The following PDGFRB variants were observed in gnomAD, a reference collection of about 807,000 sequenced individuals.
PDGFRB encodes platelet-derived growth factor receptor beta.
In PDGFRB, 42 loss-of-function variants were observed where a neutral mutation model predicts 120.2. The ratio of observed to expected loss-of-function variants is 0.35; its 90% CI spans 0.27 to 0.45. The LOEUF is 0.45. Among genes scored for constraint, PDGFRB ranks in the 20% least tolerant of loss-of-function variants. The pLI is 1.00. For synonymous variants in PDGFRB, 586 were observed against 606.8 expected, an observed-to-expected ratio of 0.97 and a Z score of 0.50; for missense variants, 1,149 against 1,476.3, an observed-to-expected ratio of 0.78 and a Z score of 3.63.
intron 10 of PDGFRB, among the ~76,000 whole-genome samples, chr5:150,127,087 A>C (rs1436072982): frequency 6.6e-6 from 1 of 152,186 alleles, no homozygotes; most frequent in Non-Finnish European, 1.5e-5. Flanking sequence ...GTGAGTGGCC[A>C]CTGAGGGAGC....
intron 10 of PDGFRB, among the ~76,000 whole-genome samples, chr5:150,128,288 A>G (rs1760355404): frequency 1.3e-5 from 2 of 152,242 alleles, no homozygotes; most frequent in African/African-American, 4.8e-5. Flanking sequence ...CCACTTGCTC[A>G]GAGAATGTGT....
intron 1 of PDGFRB, among the ~76,000 whole-genome samples, chr5:150,140,352 ACAGT>A (rs1387685771): frequency 6.6e-6 from 1 of 152,116 alleles, no homozygotes; most frequent in Non-Finnish European, 1.5e-5. Context: ...GCTGGATGTC[ACAGT>A]CAGAGAGCAG....
intron 1 of PDGFRB, among the ~76,000 whole-genome samples, chr5:150,147,462 G>C (rs1055668275): frequency 3.9e-5 from 6 of 152,220 alleles, no homozygotes; most frequent in Non-Finnish European, 7.3e-5. Flanking sequence ...GCCGCAAATA[G>C]AATGGGTTCT....
intron 1 of PDGFRB, chr5:150,153,869 C>T (rs1761149539): frequency 6.6e-6 from 1 of 152,192 alleles, no homozygotes; most frequent in Non-Finnish European, 1.5e-5. Flanking sequence ...GTTCTAGTCT[C>T]ACACTTGGGA....
chr5:150,136,762 G>T (rs1380975618), intron 2 of PDGFRB, among the ~76,000 whole-genome samples: 3 of 152,166 alleles, frequency 2.0e-5, no homozygotes, highest in Admixed American at 6.5e-5. Context: ...GGGGTCTGGA[G>T]GGCCAATCAA....
Position 150,114,383 on chromosome 5 carries a change from C to G in PDGFRB, c.*1380G>C, listed in dbSNP as rs1759856413. ...GACATAACTGTCCTCACTGTCCATT[C>G]TGTCTTCGACGCAGACCTCGGCACA... On this transcript the variant is annotated 3_prime_UTR_variant, in exon 23 of 23. Coordinates refer to ENST00000261799, the MANE Select transcript of PDGFRB (RefSeq NM_002609.4). 1 of 233,226 alleles carries G rather than the reference C, an allele frequency of 4.3e-6. No homozygotes were observed. Among genetic ancestry groups the G allele is most frequent in the Non-Finnish European group, 8.5e-6 (1 of 118,054 alleles). The allele number at this position is 233,226 out of a possible 1,614,324, so 14.4% of individuals were successfully genotyped here.
At chr5:150,116,856 T>C (rs1759950562) in intron 22 of PDGFRB, among the ~76,000 whole-genome samples, 2 of 152,116 alleles carry the variant, frequency 1.3e-5, no homozygotes, top group Admixed American at 6.5e-5. Context: ...CTGGCACATA[T>C]GGAGAAACTG....
chr5:150,116,088 G>T, intron 22 of PDGFRB, 142 bp from the exon 23 acceptor site: 1 of 657,482 alleles, frequency 1.5e-6, no homozygotes. Context: ...TGAAAACTAT[G>T]CAAGGCCTGC....
chr5:150,141,767 T>TGTA (rs1760790944), intron 1 of PDGFRB, among the ~76,000 whole-genome samples: 1 of 152,080 alleles, frequency 6.6e-6, no homozygotes, highest in South Asian at 2.1e-4. Context: ...TGTGTGTGTG[T>TGTA]GTACACGCGC....
Position 150,133,261 on chromosome 5 carries a change from G to T in PDGFRB, c.935-319C>A, listed in dbSNP as rs149541884. On this transcript the variant is annotated intron_variant, in intron 6 of 22. Coordinates refer to ENST00000261799, the MANE Select transcript of PDGFRB (RefSeq NM_002609.4). ...GATGGGGCTTCCCGGACCTGGGATGGCAGTTGGGCTTGGAAGTCAGGTTGG... is the reference window on the plus strand; with the variant it reads ...GATGGGGCTTCCCGGACCTGGGATGTCAGTTGGGCTTGGAAGTCAGGTTGG... 5.3e-5 allele frequency among the ~76,000 whole-genome samples: 8 copies of T among 152,352 alleles called. No homozygotes were observed. The East Asian group carries it at 1.3e-3, about 26-fold the overall frequency.
At chr5:150,134,074 GA>G (rs1441336206) in intron 4 of PDGFRB, 66 bp from the exon 5 acceptor site, 1 of 1,472,622 alleles carries the variant, frequency 6.8e-7, no homozygotes, top group Non-Finnish European at 9.5e-7. Context: ...TCAGCTTGGG[GA>G]TAGGGTAGGG....
intron 22 of PDGFRB, 84 bp downstream of exon 22, chr5:150,117,534 G>T (rs967859141): frequency 3.1e-6 from 2 of 646,382 alleles, no homozygotes; most frequent in Non-Finnish European, 5.2e-6. Flanking sequence ...GGCAGCGCGC[G>T]CGCGCGCGCG....
At chr5:150,153,162 G>A (rs1014316387) in intron 1 of PDGFRB, among the ~76,000 whole-genome samples, 5 of 152,148 alleles carry the variant, frequency 3.3e-5, no homozygotes, top group African/African-American at 7.2e-5. Flanking sequence ...CTGGATCCAC[G>A]GTGCTTTCCA....
rs1056813521 is a variant in PDGFRB, at chr5:150,114,136, G to A, written c.*1627C>T. The A allele has an allele frequency of 7.7e-5, 18 of 233,306 alleles. No homozygotes were observed. Among genetic ancestry groups the A allele is most frequent in the East Asian group, 5.4e-4 (9 of 16,566 alleles). 14.5% of individuals were successfully genotyped at this position (233,306 alleles called of 1,614,324 possible). A position where few individuals can be genotyped will look rare whatever the true frequency, so the allele number is the denominator to read the frequency against. On this transcript the variant is annotated 3_prime_UTR_variant, in exon 23 of 23. Transcript: ENST00000261799. ...ACCCCCTTCCCAACCCTCCCCGTGC[G>A]GGGGCGTCTTGGCTACAACCCTGAC...
intron 8 of PDGFRB, 31 bp downstream of exon 8, chr5:150,131,948 G>T: frequency 8.9e-7 from 1 of 1,125,700 alleles, no homozygotes; most frequent in Non-Finnish European, 1.4e-6. Flanking sequence ...AGGGGAAGGA[G>T]CAGGGACATG....
chr5:150,140,644 T>C (rs1562019630), intron 1 of PDGFRB, among the ~76,000 whole-genome samples: 1 of 148,612 alleles, frequency 6.7e-6, no homozygotes, highest in Non-Finnish European at 1.5e-5. Flanking sequence ...GGGAGAGGAG[T>C]GGGGGGCCCC....
At chr5:150,119,634 A>G in intron 19 of PDGFRB, 68 bp from the exon 20 acceptor site, 1 of 948,202 alleles carries the variant, frequency 1.1e-6, no homozygotes, top group Non-Finnish European at 1.7e-6. Context: ...ACCCTCTTCT[A>G]CAGGACAAGG....
rs530476571 is a variant in PDGFRB at position 150,122,664 on chromosome 5, C to T, written c.2183+378G>A. Among the ~76,000 whole-genome samples the T allele has an allele frequency of 7.9e-5, 12 of 152,344 alleles. No homozygotes were observed. In the East Asian group the frequency reaches 1.9e-3, roughly 24 times the overall value. ...GACTGGAGTTGAGCTCCCTGAGAGG[C>T]AGTGTGGAGGCTGATGTGTAGAGGC... On this transcript the variant is annotated intron_variant, in intron 15 of 22. Transcript: ENST00000261799.
At chr5:150,151,469 T>C (rs1287247496) in intron 1 of PDGFRB, among the ~76,000 whole-genome samples, 1 of 152,196 alleles carries the variant, frequency 6.6e-6, no homozygotes, top group Non-Finnish European at 1.5e-5. Context: ...CAAGGGGATC[T>C]GGAGTCAGAA....
Sources: gnomAD v4.1 joint callset for allele counts (sites outside exome capture counted in the v4.1 genomes callset) on GRCh38, gnomAD v4.1.1 for gene constraint, MANE v1.5 for transcripts, NCBI Gene and HGNC (gene_info 2026-07-23, HGNC 2026-07-21) for gene names.